The following PRIMA1 variants were observed in gnomAD, a reference collection of about 807,000 sequenced individuals.
PRIMA1 encodes the protein proline rich membrane anchor 1.
In PRIMA1, 7 loss-of-function variants were observed where a neutral mutation model predicts 17.5. The ratio of observed to expected loss-of-function variants is 0.40; its 90% CI spans 0.23 to 0.75. PRIMA1 has a LOEUF of 0.75. PRIMA1 is among the 30% of genes least tolerant of loss of function. PRIMA1 has a pLI of 0.37. For synonymous variants in PRIMA1, 97 were observed against 77.9 expected (o/e 1.25, Z -1.29); for missense variants, 200 against 201.8 (o/e 0.99, Z 0.05).
chr14:93,787,699 A>T lies in PRIMA1; in HGVS notation c.20T>A (p.Val7Glu), dbSNP rs1279969628. The change falls in exon 2 of 5, where the codon GTG (valine) becomes GAG (glutamate). Residue 7 changes from valine to glutamate, a missense_variant. Coordinates refer to ENST00000393140, the MANE Select transcript of PRIMA1 (RefSeq NM_178013.4). Reference sequence around the variant, plus strand: ...GGACCAGCAGCAGCCACGGCGCAGCACCAAGTCCCGGAGGAGCATCTCGGC... The same window carrying T: ...GGACCAGCAGCAGCCACGGCGCAGCTCCAAGTCCCGGAGGAGCATCTCGGC... Reference protein sequence around the residue: MLLRDLVLRRGCCWSSL... With the variant: MLLRDLELRRGCCWSSL... 6.5e-7 allele frequency: 1 copy of T among 1,544,376 alleles called. No homozygotes were observed. The highest frequency in any genetic ancestry group is 1.2e-5 in the South Asian group (1 of 84,012).
At chr14:93,779,812 GCCCCCC>G (rs1170836536) in intron 2 of PRIMA1, among the ~76,000 whole-genome samples, 9 of 152,186 alleles carry the variant, frequency 5.9e-5, no homozygotes, top group African/African-American at 2.2e-4. Flanking sequence ...CTGGGGCAAG[GCCCCCC>G]TCTCTTGGGT....
intron 4 of PRIMA1, among the ~76,000 whole-genome samples, chr14:93,733,914 G>C (rs960818137): frequency 6.6e-5 from 10 of 152,168 alleles, no homozygotes; most frequent in African/African-American, 2.4e-4. Context: ...GCAGTGGGGA[G>C]CACTCTGCTC....
intron 4 of PRIMA1, among the ~76,000 whole-genome samples, chr14:93,727,152 C>T (rs1467959787): frequency 6.6e-6 from 1 of 152,156 alleles, no homozygotes; most frequent in African/African-American, 2.4e-5. Flanking sequence ...GTGGGACCCA[C>T]TGTCTGGACC....
At chr14:93,778,541 A>G (rs1164350114) in intron 3 of PRIMA1, among the ~76,000 whole-genome samples, 2 of 152,258 alleles carry the variant, frequency 1.3e-5, no homozygotes, top group Non-Finnish European at 1.5e-5. Context: ...ACCACGTGAA[A>G]TACAGAACCT....
intron 2 of PRIMA1, among the ~76,000 whole-genome samples, chr14:93,783,160 T>C (rs1885430035): frequency 2.0e-5 from 3 of 152,218 alleles, no homozygotes; most frequent in African/African-American, 7.2e-5. Flanking sequence ...GTGAGTGTCT[T>C]AGGGCGGGCA....
At chr14:93,734,151 C>T (rs558340305) in intron 4 of PRIMA1, among the ~76,000 whole-genome samples, 5 of 152,348 alleles carry the variant, frequency 3.3e-5, no homozygotes, top group Non-Finnish European at 5.9e-5. Context: ...TCCTATTCCT[C>T]GGTGTCCCCA....
At chr14:93,758,182 C>T (rs1030223241) in intron 3 of PRIMA1, among the ~76,000 whole-genome samples, 1 of 152,192 alleles carries the variant, frequency 6.6e-6, no homozygotes, top group Non-Finnish European at 1.5e-5. Flanking sequence ...CACTAGGGAA[C>T]CAACCAAAGA....
chr14:93,764,380 C>T (rs1168702720), intron 3 of PRIMA1, among the ~76,000 whole-genome samples: 1 of 151,482 alleles, frequency 6.6e-6, no homozygotes, highest in African/African-American at 2.4e-5. Flanking sequence ...CTCCTCTCAG[C>T]CAGCCCCTCC....
In PRIMA1 at chr14:93,776,280, C is replaced by T. The variant is rs528034940; in HGVS notation, c.229+2896G>A. Among the ~76,000 whole-genome samples the T allele has an allele frequency of 4.2e-4, 64 of 152,190 alleles. 1 individual carries two copies. The highest frequency in any genetic ancestry group is 6.2e-4 in the Non-Finnish European group (42 of 68,024). On this transcript the variant is annotated intron_variant, in intron 3 of 4. Transcript: ENST00000393140. ...CTCCCTAGTTTTTGTATTGCTTAAA[C>T]CACTTCAAGATGTGTTTTTGCTACT...
intron 3 of PRIMA1, among the ~76,000 whole-genome samples, chr14:93,755,413 G>C (rs551074180): frequency 6.6e-6 from 1 of 152,250 alleles, no homozygotes; most frequent in East Asian, 1.9e-4. Context: ...AGGAGAGGCT[G>C]TTTTTCAGAT....
intron 4 of PRIMA1, among the ~76,000 whole-genome samples, chr14:93,729,609 T>C (rs530909990): frequency 6.6e-6 from 1 of 152,230 alleles, no homozygotes; most frequent in Non-Finnish European, 1.5e-5. Flanking sequence ...GCCAACCTTT[T>C]CTTCCCCATG....
intron 4 of PRIMA1, among the ~76,000 whole-genome samples, chr14:93,729,900 G>A (rs2076102745): frequency 6.6e-6 from 1 of 151,978 alleles, no homozygotes; most frequent in Non-Finnish European, 1.5e-5. Context: ...GAAGAAATGG[G>A]GTTGAGAGGG....
intron 4 of PRIMA1, among the ~76,000 whole-genome samples, chr14:93,734,016 A>G (rs2076132664): frequency 6.6e-6 from 1 of 152,138 alleles, no homozygotes; most frequent in African/African-American, 2.4e-5. Context: ...GGGTTTTGGC[A>G]GTATTGGGCT....
chr14:93,725,283 G>A (rs1463346986), intron 4 of PRIMA1, among the ~76,000 whole-genome samples: 1 of 150,610 alleles, frequency 6.6e-6, no homozygotes, highest in Non-Finnish European at 1.5e-5. Flanking sequence ...GATGGGGGAG[G>A]GTGGCAGCCG....
Position 93,787,638 on chromosome 14 carries a change from C to T in PRIMA1, c.81G>A (p.Trp27Ter). Residue 27 changes from tryptophan to a stop codon, truncating the protein, a stop_gained, in exon 2 of 5, where the codon TGG becomes TGA. Transcript: ENST00000393140. LOFTEE classifies it high-confidence loss of function. ...CGGCGCGTCTCACCTGCACGAAGCC[C>T]CAGAGCGGGTGGAGCGCGCAGTGCA... Reference protein sequence around the residue: ...LLLHCALHPLWGFVQVTHGEP... With the variant: ...LLLHCALHPL 1 of 1,542,080 alleles carries T rather than the reference C, an allele frequency of 6.5e-7. No individual in the cohort carries two copies. The highest frequency in any genetic ancestry group is 8.7e-7 in the Non-Finnish European group (1 of 1,146,808).
At chr14:93,727,285 C>A (rs1025785975) in intron 4 of PRIMA1, among the ~76,000 whole-genome samples, 14 of 152,210 alleles carry the variant, frequency 9.2e-5, no homozygotes, top group Non-Finnish European at 2.9e-5. Flanking sequence ...GAGGGGTCTG[C>A]CGGGGGAGGG....
intron 2 of PRIMA1, among the ~76,000 whole-genome samples, chr14:93,781,618 G>A (rs2141195767): frequency 6.6e-6 from 1 of 152,318 alleles, no homozygotes; most frequent in East Asian, 1.9e-4. Flanking sequence ...TGTTTAATGT[G>A]ATGAAGCTCT....
intron 2 of PRIMA1, among the ~76,000 whole-genome samples, chr14:93,783,245 G>C (rs1012306229): frequency 6.6e-6 from 1 of 152,180 alleles, no homozygotes; most frequent in African/African-American, 2.4e-5. Context: ...ATGGGTTCAG[G>C]CTCCCACTTC....
intron 2 of PRIMA1, among the ~76,000 whole-genome samples, chr14:93,787,198 A>G (rs1885549699): frequency 6.6e-6 from 1 of 152,222 alleles, no homozygotes; most frequent in Non-Finnish European, 1.5e-5. Context: ...CTCAACTCTG[A>G]TACCTATAAG....
Sources: allele counts gnomAD v4.1 joint callset (sites outside exome capture counted in the v4.1 genomes callset), GRCh38; gene constraint gnomAD v4.1.1; transcripts MANE v1.5; gene names NCBI Gene and HGNC (gene_info 2026-07-23, HGNC 2026-07-21).